TMEM35B: variants seen among roughly 807,000 people sequenced by gnomAD.
TMEM35B encodes ZMYM6 neighbor protein.
TMEM35B carries 6 observed loss-of-function variants against 8.7 expected under a neutral mutation model. That is an observed-to-expected ratio of 0.69 (90% CI 0.38 to 1.36). TMEM35B has a LOEUF of 1.36. Among genes scored for constraint, TMEM35B ranks in the 40% most tolerant of loss-of-function variants. TMEM35B has a pLI of 0.02. For missense variants in TMEM35B, 176 were observed against 181.6 expected (o/e 0.97, Z 0.18); for synonymous variants, 89 against 87.0 (o/e 1.02, Z -0.13).
Position 34,985,193 on chromosome 1 carries a change from C to T in TMEM35B, c.108+5G>A, listed in dbSNP as rs1333555857. 13 of 1,533,732 alleles carry T rather than the reference C, an allele frequency of 8.5e-6. No homozygotes were observed. In the Admixed American group the frequency reaches 1.8e-4, roughly 21 times the overall value. On this transcript the variant is annotated splice_donor_5th_base_variant and intron_variant, in intron 1 of 2. Transcript: ENST00000373337. ...GATCCCCTGCCGCCCGCCCGCGCCGCTCACCATCCGCTCCGAAACTGGAGC... is the reference window on the plus strand; with the variant it reads ...GATCCCCTGCCGCCCGCCCGCGCCGTTCACCATCCGCTCCGAAACTGGAGC...
intron 1 of TMEM35B, 93 bp from the exon 2 acceptor site, chr1:34,984,040 C>T: frequency 8.0e-7 from 1 of 1,243,652 alleles, no homozygotes; most frequent in Non-Finnish European, 1.1e-6. Flanking sequence ...GTGCCCTCAA[C>T]TTCCCAGAGA....
rs1278401411 is a variant in TMEM35B at position 34,982,090 on chromosome 1, C to A, written c.319G>T (p.Glu107Ter). 4 of 1,547,834 alleles carry A rather than the reference C, an allele frequency of 2.6e-6. No individual in the cohort carries two copies. The East Asian group carries it at 9.8e-5, about 38-fold the overall frequency. ...GCTGGGATACAGGTGCTTAGTGACT[C>A]TTTCAGAGCTGCCAAGGTGAAGATA... The change falls in exon 3 of 3, where the codon GAG becomes TAG. Residue 107 changes from glutamate to a stop codon, truncating the protein, a stop_gained. Coordinates refer to ENST00000373337, the Ensembl canonical transcript of TMEM35B. LOFTEE classifies it low-confidence loss of function (END_TRUNC).
chr1:34,985,328 G>C, exon 1 of TMEM35B: 3 of 1,512,232 alleles, frequency 2.0e-6, no homozygotes, highest in Non-Finnish European at 1.8e-6. Flanking sequence ...CCCACCGTGG[G>C]TTGGCCCCGC....
chr1:34,983,387 G>A (rs1417802694), intron 2 of TMEM35B, among the ~76,000 whole-genome samples: 1 of 151,880 alleles, frequency 6.6e-6, no homozygotes, highest in Non-Finnish European at 1.5e-5. Flanking sequence ...GACCATCCTG[G>A]CTAACATGGT....
intron 1 of TMEM35B, among the ~76,000 whole-genome samples, 192 bp downstream of exon 1, chr1:34,985,006 G>T (rs949005407): frequency 6.7e-6 from 1 of 150,230 alleles, no homozygotes; most frequent in African/African-American, 2.5e-5. Flanking sequence ...CTTCCGTCTA[G>T]GGAAGATCCA....
chr1:34,982,610 G>A (rs578113518), intron 2 of TMEM35B, among the ~76,000 whole-genome samples: 1 of 152,088 alleles, frequency 6.6e-6, no homozygotes, highest in East Asian at 1.9e-4. Flanking sequence ...CTGAGTAGCT[G>A]GGATTACAGG....
chr1:34,983,840 A>G (rs1640533599), exon 2 of TMEM35B: 1 of 1,546,880 alleles, frequency 6.5e-7, no homozygotes, highest in African/African-American at 1.4e-5. Context: ...GCAGCAACCC[A>G]GCCAGCAGTT....
rs368061761 is a variant in TMEM35B at position 34,982,716 on chromosome 1, C to T, written c.290-597G>A. Among the ~76,000 whole-genome samples the T allele has an allele frequency of 7.2e-5, 11 of 152,210 alleles. No individual in the cohort carries two copies. The South Asian group carries it at 2.1e-3, about 29-fold the overall frequency. On this transcript the variant is annotated intron_variant, in intron 2 of 2. Coordinates refer to ENST00000373337, the Ensembl canonical transcript of TMEM35B. ...GGTCTTGAACTCCTGACCTTGTGAT[C>T]CGCCCGCCTCGGCCTCCCAAAGTGC...
At chr1:34,985,344 A>AC in exon 1 of TMEM35B, 2 of 1,459,084 alleles carry the variant, frequency 1.4e-6, no homozygotes. Flanking sequence ...CCCGCCGAAA[A>AC]CCCGCCCCTG....
chr1:34,985,315 C>A (rs1264285414), exon 1 of TMEM35B: 1 of 1,523,722 alleles, frequency 6.6e-7, no homozygotes, highest in Admixed American at 2.0e-5. Flanking sequence ...TGGCCGCGCT[C>A]CCCCCACCGT....
chr1:34,984,184 T>C (rs1640537779), intron 1 of TMEM35B, among the ~76,000 whole-genome samples: 1 of 152,224 alleles, frequency 6.6e-6, no homozygotes, highest in East Asian at 1.9e-4. Flanking sequence ...ATCTTCTCAC[T>C]AGACCTCTCA....
At chr1:34,981,789 A>C in exon 3 of TMEM35B, 1 of 578,262 alleles carries the variant, frequency 1.7e-6, no homozygotes, top group Non-Finnish European at 2.7e-6. Context: ...ACAAAAGAGT[A>C]GTAAAGCTAA....
chr1:34,984,281 C>G (rs958479226), intron 1 of TMEM35B, among the ~76,000 whole-genome samples: 14 of 152,304 alleles, frequency 9.2e-5, no homozygotes, highest in African/African-American at 3.4e-4. Flanking sequence ...CCACAGTTTC[C>G]TTCTTTGTGT....
rs1640535006 is a variant in TMEM35B, at chr1:34,983,956, G to T, written c.109-9C>A. The T allele has an allele frequency of 6.8e-7, 1 of 1,472,650 alleles. No individual in the cohort carries two copies. Among genetic ancestry groups the T allele is most frequent in the Non-Finnish European group, 9.1e-7 (1 of 1,103,718 alleles). 91.2% of individuals were successfully genotyped at this position (1,472,650 alleles called of 1,614,324 possible). A position where few individuals can be genotyped will look rare whatever the true frequency, so the allele number is the denominator to read the frequency against. On this transcript the variant is annotated splice_polypyrimidine_tract_variant and intron_variant, in intron 1 of 2. Transcript: ENST00000373337. ...TGCACGAACAGGGCATTCTAGGGGT[G>T]GCAAGGAATGCCTGTTAGCCTCATT...
At chr1:34,984,027 C>A in intron 1 of TMEM35B, 80 bp from the exon 2 acceptor site, 2 of 1,301,488 alleles carry the variant, frequency 1.5e-6, no homozygotes, top group Middle Eastern at 2.2e-4. Context: ...CATATCTATG[C>A]CTGTGCCCTC....
At chr1:34,981,834 C>A in exon 3 of TMEM35B, 1 of 1,176,852 alleles carries the variant, frequency 8.5e-7, no homozygotes, top group Non-Finnish European at 1.1e-6. Flanking sequence ...CAAAATGTCT[C>A]TTTCAACACT....
exon 3 of TMEM35B, chr1:34,981,988 T>C: frequency 5.2e-6 from 8 of 1,549,932 alleles, no homozygotes; most frequent in Non-Finnish European, 6.1e-6. Context: ...TTCTTCCTAG[T>C]GGGTCTGACC....
At chr1:34,984,386 C>T (rs1640540812) in intron 1 of TMEM35B, among the ~76,000 whole-genome samples, 1 of 152,194 alleles carries the variant, frequency 6.6e-6, no homozygotes, top group South Asian at 2.1e-4. Flanking sequence ...TCAAGGCAGG[C>T]CCTCCCCTGA....
chr1:34,984,778 G>A (rs1454629261), intron 1 of TMEM35B, among the ~76,000 whole-genome samples: 1 of 152,132 alleles, frequency 6.6e-6, no homozygotes, highest in South Asian at 2.1e-4. Context: ...CCTTCAGGGC[G>A]GGCTTCCTTC....
Sources: allele counts gnomAD v4.1 joint callset (sites outside exome capture counted in the v4.1 genomes callset), GRCh38; gene constraint gnomAD v4.1.1; transcripts MANE v1.5; gene names NCBI Gene and HGNC (gene_info 2026-07-23, HGNC 2026-07-21).